SRGAP1: variants seen among roughly 807,000 people sequenced by gnomAD.
SRGAP1 encodes the protein SLIT-ROBO Rho GTPase-activating protein 1.
A neutral mutation model predicts 121.9 loss-of-function variants in SRGAP1; 43 were observed. The observed-to-expected ratio is 0.35, with a 90% CI of 0.28 to 0.46. SRGAP1 has a LOEUF of 0.46. SRGAP1 is among the 20% of genes least tolerant of loss of function. SRGAP1 has a pLI of 1.00. For missense variants in SRGAP1, 1,102 were observed against 1,350.9 expected (o/e 0.82, Z 2.89); for synonymous variants, 447 against 485.4 (o/e 0.92, Z 1.04).
At chr12:64,063,964 A>T (rs1446037854) in intron 7 of SRGAP1, among the ~76,000 whole-genome samples, 1 of 151,810 alleles carries the variant, frequency 6.6e-6, no homozygotes, top group Admixed American at 6.6e-5. Context: ...ATATACACAT[A>T]TAATGTACCT....
chr12:63,900,198 C>CTTTTTCTT (rs1555236577), intron 1 of SRGAP1, among the ~76,000 whole-genome samples: 8 of 100,562 alleles, frequency 8.0e-5, no homozygotes, highest in African/African-American at 2.6e-4. Flanking sequence ...TTTTCTTTTT[C>CTTTTTCTT]TTTTTCTTTT....
intron 1 of SRGAP1, among the ~76,000 whole-genome samples, chr12:63,910,059 T>C (rs1434814674): frequency 1.3e-5 from 2 of 152,252 alleles, no homozygotes; most frequent in African/African-American, 4.8e-5. Context: ...ACTAGCTGAA[T>C]TGACACATAA....
At chr12:63,960,651 G>C (rs973925379) in intron 1 of SRGAP1, among the ~76,000 whole-genome samples, 1 of 152,160 alleles carries the variant, frequency 6.6e-6, no homozygotes, top group African/African-American at 2.4e-5. Flanking sequence ...ATGGCAAAAG[G>C]GACTTTGCAG....
rs532402219 is a variant in SRGAP1, at chr12:63,989,891, G to C, written c.264-19G>C. 1 of 1,580,352 alleles carries C rather than the reference G, an allele frequency of 6.3e-7. No homozygotes were observed. The highest frequency in any genetic ancestry group is 8.6e-7 in the Non-Finnish European group (1 of 1,168,142). On this transcript the variant is annotated intron_variant, in intron 2 of 21. Coordinates refer to ENST00000355086, the MANE Select transcript of SRGAP1 (RefSeq NM_020762.4). Reference sequence around the variant, plus strand: ...CAACTTTGAAATGGGTGGTAATTCTGTGTTTCTTCACTTCTTAGGAAAGAC... The same window carrying C: ...CAACTTTGAAATGGGTGGTAATTCTCTGTTTCTTCACTTCTTAGGAAAGAC...
In SRGAP1 at chr12:64,142,809, G is replaced by A; in HGVS notation, c.*137G>A. ...TTTTGGCTTTTCTATGTTGTCGAAT[G>A]TAATGTCTGAGACTAGCTAAATTAA... On this transcript the variant is annotated 3_prime_UTR_variant, in exon 22 of 22. Coordinates refer to ENST00000355086, the MANE Select transcript of SRGAP1 (RefSeq NM_020762.4). 5 of 1,217,786 alleles carry A rather than the reference G, an allele frequency of 4.1e-6. No individual in the cohort carries two copies. The highest frequency in any genetic ancestry group is 2.9e-4 in the Middle Eastern group (1 of 3,432). The allele number at this position is 1,217,786 out of a possible 1,614,324, so 75.4% of individuals were successfully genotyped here. A position where few individuals can be genotyped will look rare whatever the true frequency, so the allele number is the denominator to read the frequency against.
chr12:63,978,104 G>A (rs764598877), intron 1 of SRGAP1, among the ~76,000 whole-genome samples: 23 of 152,328 alleles, frequency 1.5e-4, no homozygotes, highest in Non-Finnish European at 2.5e-4. Context: ...AGTACTGGGT[G>A]TGGAAATAGG....
At chr12:63,871,606 G>C (rs1899856894) in intron 1 of SRGAP1, 2 of 520,062 alleles carry the variant, frequency 3.8e-6, no homozygotes, top group Non-Finnish European at 6.8e-6. Flanking sequence ...GCTCATGCAA[G>C]TTAGTGTGAG....
At chr12:63,931,728 G>C (rs1241667572) in intron 1 of SRGAP1, among the ~76,000 whole-genome samples, 1 of 152,166 alleles carries the variant, frequency 6.6e-6, no homozygotes, top group African/African-American at 2.4e-5. Context: ...CTTTATTGGG[G>C]AAGTCTCAAA....
intron 4 of SRGAP1, among the ~76,000 whole-genome samples, chr12:64,020,662 G>A (rs892813242): frequency 6.6e-6 from 1 of 151,966 alleles, no homozygotes; most frequent in African/African-American, 2.4e-5. Flanking sequence ...GGCCAACATG[G>A]TGAAACCCCG....
At chr12:63,950,146 T>A (rs926115246) in intron 1 of SRGAP1, among the ~76,000 whole-genome samples, 1 of 152,188 alleles carries the variant, frequency 6.6e-6, no homozygotes, top group Non-Finnish European at 1.5e-5. Flanking sequence ...TGAATAAACT[T>A]ATTGAAAGAC....
intron 1 of SRGAP1, among the ~76,000 whole-genome samples, chr12:63,887,027 C>A (rs1311446276): frequency 1.3e-5 from 2 of 152,108 alleles, no homozygotes; most frequent in Non-Finnish European, 2.9e-5. Flanking sequence ...GCATCCGCCA[C>A]CATGCCTGGC....
rs565485167 is a variant in SRGAP1, at chr12:63,929,775, A to G, written c.68-54172A>G. Among the ~76,000 whole-genome samples the G allele has an allele frequency of 3.3e-5, 5 of 152,332 alleles. No individual in the cohort carries two copies. In the East Asian group the frequency reaches 7.7e-4, roughly 23 times the overall value. On this transcript the variant is annotated intron_variant, in intron 1 of 21. Transcript: ENST00000355086. ...TGTTTTAGAGTAAACTGTTCTTTTCAGAATTGTGTAGTTAGCTAAACTATA... is the reference window on the plus strand; with the variant it reads ...TGTTTTAGAGTAAACTGTTCTTTTCGGAATTGTGTAGTTAGCTAAACTATA...
chr12:64,061,777 A>G (rs2035453528), intron 6 of SRGAP1, among the ~76,000 whole-genome samples: 1 of 152,200 alleles, frequency 6.6e-6, no homozygotes, highest in African/African-American at 2.4e-5. Flanking sequence ...ATTTCGTGTC[A>G]ATAAAATCAT....
At chr12:63,969,020 A>T (rs1026005098) in intron 1 of SRGAP1, among the ~76,000 whole-genome samples, 17 of 152,182 alleles carry the variant, frequency 1.1e-4, no homozygotes, top group Non-Finnish European at 2.4e-4. Context: ...AGGGAAAAAA[A>T]TCGTACTGTG....
At chr12:63,915,919 A>G (rs950529603) in intron 1 of SRGAP1, among the ~76,000 whole-genome samples, 1 of 152,192 alleles carries the variant, frequency 6.6e-6, no homozygotes, top group African/African-American at 2.4e-5. Context: ...GATGAAATAG[A>G]AGCCTTGGTC....
In SRGAP1 at chr12:64,057,537, A is replaced by G. The variant is rs544096841; in HGVS notation, c.802-5380A>G. Among the ~76,000 whole-genome samples the G allele has an allele frequency of 4.6e-4, 70 of 152,308 alleles. 1 individual carries two copies. In the South Asian group the frequency reaches 0.013, roughly 29 times the overall value. The stretch of plus-strand genomic sequence containing the variant: ...ATTTGACTACTATGTAAAAGCTCTG[A>G]ACTTTTCTATTTCTGGTCCTTTATA... On this transcript the variant is annotated intron_variant, in intron 6 of 21. Coordinates refer to ENST00000355086, the MANE Select transcript of SRGAP1 (RefSeq NM_020762.4).
intron 1 of SRGAP1, among the ~76,000 whole-genome samples, chr12:63,900,770 G>A (rs548418223): frequency 9.9e-5 from 15 of 152,188 alleles, no homozygotes; most frequent in Admixed American, 9.2e-4. Flanking sequence ...CTGAGATCAC[G>A]CCACTGCATT....
At chr12:64,067,656 T>G (rs535678501) in intron 8 of SRGAP1, among the ~76,000 whole-genome samples, 2 of 152,102 alleles carry the variant, frequency 1.3e-5, no homozygotes, top group African/African-American at 4.8e-5. Context: ...ACCATAAAAA[T>G]AGAGGGAAGA....
At chr12:63,886,151 C>T (rs890206817) in intron 1 of SRGAP1, among the ~76,000 whole-genome samples, 2 of 152,132 alleles carry the variant, frequency 1.3e-5, no homozygotes, top group African/African-American at 2.4e-5. Context: ...ACCTTCGCCT[C>T]CCAGGTTCAA....
Sources: allele counts gnomAD v4.1 joint callset (sites outside exome capture counted in the v4.1 genomes callset), GRCh38; gene constraint gnomAD v4.1.1; transcripts MANE v1.5; gene names NCBI Gene and HGNC (gene_info 2026-07-23, HGNC 2026-07-21).